The following DIS3 variants were observed in gnomAD, a reference collection of about 807,000 sequenced individuals.
DIS3 encodes exosome complex exonuclease RRP44.
In DIS3, 103 loss-of-function variants were observed where a neutral mutation model predicts 113.0. That is an observed-to-expected ratio of 0.91 (90% CI 0.78 to 1.07). The LOEUF is 1.07. Ranked by LOEUF, DIS3 falls within the 50% of genes least tolerant of loss-of-function variation. DIS3 has a pLI of 0.00. For synonymous variants in DIS3, 402 were observed against 394.3 expected (o/e 1.02, Z -0.23); for missense variants, 1,121 against 1,167.1 (o/e 0.96, Z 0.58).
rs113651217 is a variant in DIS3, at chr13:72,757,506, A to G, written c.*2289T>C. ...AGTGGTGCAATCTCGGCTCACTGCA[A>G]CTTCCGCCTCCCAGGTTCAAGCGAT... On this transcript the variant is annotated 3_prime_UTR_variant, in exon 21 of 21. Transcript: ENST00000377767. 0.11 allele frequency: 16,917 copies of G among 150,824 alleles called. 1,315 individuals are homozygous for G. The highest frequency in any genetic ancestry group is 0.17 in the Non-Finnish European group (11,562 of 68,356). 9.3% of individuals were successfully genotyped at this position (150,824 alleles called of 1,614,324 possible).
chr13:72,753,481 G>T lies in DIS3; in HGVS notation c.*6314C>A. The stretch of plus-strand genomic sequence containing the variant: ...GGAAGTTACAAGATATATTTCATTG[G>T]AAGGAATTGTAAAATGACTACAATA... On this transcript the variant is annotated 3_prime_UTR_variant, in exon 21 of 21. Coordinates refer to ENST00000377767, the MANE Select transcript of DIS3 (RefSeq NM_014953.5). The T allele has an allele frequency of 4.8e-6, 2 of 416,314 alleles. No individual in the cohort carries two copies. 25.8% of individuals were successfully genotyped at this position (416,314 alleles called of 1,614,324 possible).
chr13:72,768,681 A>C (rs1371319579), intron 14 of DIS3, 104 bp downstream of exon 14: 1 of 843,516 alleles, frequency 1.2e-6, no homozygotes, highest in Non-Finnish European at 1.7e-6. Context: ...AGCTAGAAGA[A>C]ACAGGAGTCT....
At chr13:72,775,837 TAC>T in intron 5 of DIS3, 86 bp downstream of exon 5, 1 of 1,166,252 alleles carries the variant, frequency 8.6e-7, no homozygotes, top group Non-Finnish European at 1.2e-6. Context: ...CCTCATATGT[TAC>T]ACAAATAGTA....
chr13:72,778,708 A>T (rs927107417), intron 2 of DIS3, among the ~76,000 whole-genome samples: 1 of 152,250 alleles, frequency 6.6e-6, no homozygotes, highest in African/African-American at 2.4e-5. Flanking sequence ...TTGACAAATT[A>T]TAATACAATT....
At position 72,770,908 on chromosome 13, in the gene DIS3, G is replaced by T; in HGVS notation, c.1751C>A (p.Ser584Ter). Residue 584 changes from serine (S) to a stop codon, truncating the protein, a stop_gained, in exon 13 of 21, where the codon TCA becomes TAA. Coordinates refer to ENST00000377767, the MANE Select transcript of DIS3 (RefSeq NM_014953.5). LOFTEE classifies it high-confidence loss of function. ...ATTAATAGCCATGAAACGAACCTTT[G>T]AATTAATAACACTTTTGGTAAACTT... ...KTKFTKSVIN[S>*]KASLTYAEAQ... 1 of 1,594,152 alleles carries T rather than the reference G, an allele frequency of 6.3e-7. No individual in the cohort carries two copies. Among genetic ancestry groups the T allele is most frequent in the South Asian group, 1.1e-5 (1 of 87,010 alleles).
intron 20 of DIS3, 24 bp downstream of exon 20, chr13:72,760,505 A>T (rs772453417): frequency 1.9e-6 from 3 of 1,613,022 alleles, no homozygotes; most frequent in Non-Finnish European, 2.5e-6. Flanking sequence ...CATCACAACA[A>T]GGAAATTTTA....
Position 72,763,548 on chromosome 13 carries a change from T to G in DIS3, c.2030A>C (p.Lys677Thr), listed in dbSNP as rs1340966033. Reference sequence around the variant, plus strand: ...ATGTTCAGAAAATTCCTCATGAATTTTTTTTGCAACAGAAATATTGGCAAG... The same window carrying G: ...ATGTTCAGAAAATTCCTCATGAATTGTTTTTGCAACAGAAATATTGGCAAG... The part of the protein sequence containing the change: ...MLLANISVAK[K>T]IHEEFSEHAL... The change falls in exon 16 of 21, where the codon AAA becomes ACA. Residue 677 changes from lysine (K) to threonine (T), a missense_variant. Lys to Thr is a moderately conservative substitution (Grantham distance 78). Around this residue, in one of 3 missense-constraint regions of DIS3, gnomAD observed 861 missense variants for 915.5 expected, o/e 0.94. Transcript: ENST00000377767. The G allele has an allele frequency of 2.5e-6, 4 of 1,613,766 alleles. No homozygotes were observed. The Admixed American group carries it at 5.0e-5, about 20-fold the overall frequency.
intron 14 of DIS3, among the ~76,000 whole-genome samples, chr13:72,766,628 TAAAC>T (rs1566242629): frequency 1.3e-5 from 2 of 152,164 alleles, no homozygotes; most frequent in Non-Finnish European, 2.9e-5. Context: ...AAGTGTCAGA[TAAAC>T]AATCCATGCT....
At chr13:72,764,935 C>T (rs2033710258) in intron 15 of DIS3, among the ~76,000 whole-genome samples, 1 of 152,114 alleles carries the variant, frequency 6.6e-6, no homozygotes, top group Non-Finnish European at 1.5e-5. Context: ...AACATACTTA[C>T]ACAGAAGTTC....
Position 72,759,549 on chromosome 13 carries a change from G to A in DIS3, c.*246C>T, listed in dbSNP as rs538920523. 67 of 369,838 alleles carry A rather than the reference G, an allele frequency of 1.8e-4. No individual in the cohort carries two copies. Among genetic ancestry groups the A allele is most frequent in the African/African-American group, 1.2e-3 (57 of 48,312 alleles). 22.9% of individuals were successfully genotyped at this position (369,838 alleles called of 1,614,324 possible). A position where few individuals can be genotyped will look rare whatever the true frequency, so the allele number is the denominator to read the frequency against. On this transcript the variant is annotated 3_prime_UTR_variant, in exon 21 of 21. Coordinates refer to ENST00000377767, the MANE Select transcript of DIS3 (RefSeq NM_014953.5). ...TACAGATCCCTGAAGTTGCTGTCCT[G>A]TCACTGTATTTAAGTGATGGATATT...
At chr13:72,778,465 C>T in intron 2 of DIS3, 85 bp from the exon 3 acceptor site, 2 of 1,116,052 alleles carry the variant, frequency 1.8e-6, no homozygotes, top group Admixed American at 2.6e-5. Flanking sequence ...TGCTTAACCA[C>T]TAAACTAGAA....
chr13:72,772,652 A>G (rs781162420), intron 9 of DIS3, 41 bp downstream of exon 9: 3 of 1,569,030 alleles, frequency 1.9e-6, no homozygotes, highest in Admixed American at 4.1e-5. Context: ...TAGGCAGGAT[A>G]TAATAATTTA....
Position 72,756,035 on chromosome 13 carries a change from T to C in DIS3, c.*3760A>G. The C allele has an allele frequency of 2.5e-6, 1 of 398,496 alleles. No individual in the cohort carries two copies. Among genetic ancestry groups the C allele is most frequent in the Non-Finnish European group, 4.4e-6 (1 of 225,976 alleles). 24.7% of individuals were successfully genotyped at this position (398,496 alleles called of 1,614,324 possible). ...GAAGTAACACTGGGGCAGATATGTA[T>C]GTTATATACAACTATTTTTTTAAAA... On this transcript the variant is annotated 3_prime_UTR_variant, in exon 21 of 21. Coordinates refer to ENST00000377767, the MANE Select transcript of DIS3 (RefSeq NM_014953.5).
At position 72,754,358 on chromosome 13, in the gene DIS3, C is replaced by T. The variant is rs1315348966; in HGVS notation, c.*5437G>A. On this transcript the variant is annotated 3_prime_UTR_variant, in exon 21 of 21. Transcript: ENST00000377767. ...ACAGGGTCTTACTCTGTCACCCGGG[C>T]TGGAGTGCAGTCGTAGAATCAGATC... 2 of 151,160 alleles carry T rather than the reference C, an allele frequency of 1.3e-5. No homozygotes were observed. Among genetic ancestry groups the T allele is most frequent in the African/African-American group, 5.0e-5 (2 of 40,320 alleles). 9.4% of individuals were successfully genotyped at this position (151,160 alleles called of 1,614,324 possible). A position where few individuals can be genotyped will look rare whatever the true frequency, so the allele number is the denominator to read the frequency against.
At chr13:72,779,856 C>CA (rs1236425566) in intron 2 of DIS3, among the ~76,000 whole-genome samples, 2 of 151,724 alleles carry the variant, frequency 1.3e-5, no homozygotes, top group African/African-American at 2.4e-5. Flanking sequence ...CTTTCCACCA[C>CA]AAAAAAATTA....
chr13:72,781,393 C>T, intron 1 of DIS3: 1 of 1,541,024 alleles, frequency 6.5e-7, no homozygotes, highest in South Asian at 1.2e-5. Flanking sequence ...AGAAAAATAA[C>T]GTGTCTGAAC....
chr13:72,770,935 G>A lies in DIS3; in HGVS notation c.1724C>T (p.Thr575Met), dbSNP rs765260071. The A allele has an allele frequency of 1.2e-5, 20 of 1,606,324 alleles. No individual in the cohort carries two copies. Among genetic ancestry groups the A allele is most frequent in the African/African-American group, 2.7e-5 (2 of 74,716 alleles). ...ATTAATAACACTTTTGGTAAACTTC[G>A]TTTTTAAGATTTCAGCATTGTGATT... ...EMNHNAEILK[T>M]KFTKSVINSK... The change falls in exon 13 of 21, where the codon ACG becomes ATG. Residue 575 changes from threonine (T) to methionine (M), a missense_variant. Transcript: ENST00000377767.
At position 72,781,006 on chromosome 13, in the gene DIS3, TAAAG is replaced by T. The variant is rs754180123; in HGVS notation, c.229-7_229-4del. On this transcript the variant is annotated splice_polypyrimidine_tract_variant and splice_region_variant and intron_variant, in intron 1 of 20. Coordinates refer to ENST00000377767, the MANE Select transcript of DIS3 (RefSeq NM_014953.5). ...GCAGGGTCCTCAAGAACATCAATCT[TAAAG>T]AAAGATAAAGTTAATTTTTCCTATA... 7.6e-6 allele frequency: 12 copies of T among 1,588,612 alleles called. No homozygotes were observed. Among genetic ancestry groups the T allele is most frequent in the African/African-American group, 2.7e-5 (2 of 72,980 alleles).
rs908883490 is a variant in DIS3 at position 72,754,931 on chromosome 13, C to T, written c.*4864G>A. 2.2e-6 allele frequency: 1 copy of T among 454,062 alleles called. No homozygotes were observed. The highest frequency in any genetic ancestry group is 4.0e-6 in the Non-Finnish European group (1 of 252,754). 28.1% of individuals were successfully genotyped at this position (454,062 alleles called of 1,614,324 possible). ...GTCTCACTATGTTGCCAGGGCTAGT[C>T]CCAAACTCCTGGGCTCGTGCGATCC... On this transcript the variant is annotated 3_prime_UTR_variant, in exon 21 of 21. Coordinates refer to ENST00000377767, the MANE Select transcript of DIS3 (RefSeq NM_014953.5).
Sources: gnomAD v4.1 joint callset for allele counts (sites outside exome capture counted in the v4.1 genomes callset) on GRCh38, gnomAD v4.1.1 for gene constraint, gnomAD v4.1.1 regional missense constraint, MANE v1.5 for transcripts, NCBI Gene and HGNC (gene_info 2026-07-23, HGNC 2026-07-21) for gene names.